Variants in GRID2 observed in about 807,000 individuals in gnomAD.
GRID2 encodes glutamate receptor ionotropic, delta-2.
A neutral mutation model predicts 114.8 loss-of-function variants in GRID2; 33 were observed. That is an observed-to-expected ratio of 0.29 (90% CI 0.22 to 0.38). GRID2 has a LOEUF of 0.38. Among genes scored for constraint, GRID2 ranks in the 10% least tolerant of loss-of-function variants. The pLI is 1.00. For missense variants in GRID2, 1,184 were observed against 1,257.7 expected, an observed-to-expected ratio of 0.94 and a Z score of 0.89; for synonymous variants, 505 against 449.9, an observed-to-expected ratio of 1.12 and a Z score of -1.55.
chr4:93,623,644 A>G (rs113770367), intron 13 of GRID2, among the ~76,000 whole-genome samples: 35 of 152,348 alleles, frequency 2.3e-4, no homozygotes, highest in African/African-American at 8.2e-4. Flanking sequence ...ACTATGGAAT[A>G]CTATGCAGTC....
In GRID2 at chr4:92,491,270, T is replaced by G. The variant is rs566244120; in HGVS notation, c.89-98861T>G. Among the ~76,000 whole-genome samples, 11 of 152,280 alleles carry G rather than the reference T, an allele frequency of 7.2e-5. No homozygotes were observed. In the South Asian group the frequency reaches 2.3e-3, roughly 32 times the overall value. On this transcript the variant is annotated intron_variant, in intron 1 of 15. Coordinates refer to ENST00000282020, the MANE Select transcript of GRID2 (RefSeq NM_001510.4). ...ACATGCATATATATGCATCTTGCAT[T>G]TGTGACATCTTGGTTAAGGGGTCTT...
At chr4:92,854,653 T>C (rs1744055123) in intron 2 of GRID2, among the ~76,000 whole-genome samples, 1 of 151,882 alleles carries the variant, frequency 6.6e-6, no homozygotes, top group Non-Finnish European at 1.5e-5. Context: ...AAAGTAAACT[T>C]TAAATATATG....
intron 8 of GRID2, among the ~76,000 whole-genome samples, chr4:93,336,833 A>T (rs910671855): frequency 3.9e-5 from 6 of 152,120 alleles, no homozygotes; most frequent in Admixed American, 2.0e-4. Flanking sequence ...TTTCATATCA[A>T]AGTCCAGTTT....
chr4:93,144,850 T>TA (rs1186774001), intron 4 of GRID2, among the ~76,000 whole-genome samples: 1 of 152,140 alleles, frequency 6.6e-6, no homozygotes, highest in Non-Finnish European at 1.5e-5. Flanking sequence ...GGAGTACCCA[T>TA]AAAAAGCAAC....
chr4:92,880,198 G>A (rs1745909842), intron 2 of GRID2, among the ~76,000 whole-genome samples: 1 of 152,082 alleles, frequency 6.6e-6, no homozygotes, highest in South Asian at 2.1e-4. Flanking sequence ...AGACAGGTAG[G>A]GATGAAAATG....
intron 1 of GRID2, among the ~76,000 whole-genome samples, chr4:92,352,512 T>C (rs1369190225): frequency 6.6e-6 from 1 of 151,926 alleles, no homozygotes; most frequent in Admixed American, 6.6e-5. Flanking sequence ...CAGAGGATTT[T>C]TAGTTTTATC....
chr4:92,940,677 C>G (rs1751046986), intron 2 of GRID2, among the ~76,000 whole-genome samples: 1 of 152,032 alleles, frequency 6.6e-6, no homozygotes, highest in African/African-American at 2.4e-5. Flanking sequence ...CAGGTTTTGC[C>G]CATTCAGTAT....
intron 4 of GRID2, among the ~76,000 whole-genome samples, chr4:93,163,356 G>GTA (rs57285537): frequency 0.019 from 1,059 of 55,782 alleles, 8 homozygotes; most frequent in Non-Finnish European, 0.023. Flanking sequence ...TTTTTTTTGT[G>GTA]TATATATATA....
chr4:93,714,730 T>G (rs1017507011), intron 14 of GRID2, among the ~76,000 whole-genome samples: 2 of 152,250 alleles, frequency 1.3e-5, no homozygotes, highest in Non-Finnish European at 2.9e-5. Flanking sequence ...GTATGTCTTC[T>G]TTTGAAAAGT....
intron 9 of GRID2, among the ~76,000 whole-genome samples, chr4:93,407,740 T>A: frequency 8.1e-6 from 1 of 123,202 alleles, no homozygotes; most frequent in African/African-American, 3.4e-5. Context: ...CTCCTCCTCC[T>A]CCTCCTCCTC....
intron 2 of GRID2, among the ~76,000 whole-genome samples, chr4:92,814,034 A>G (rs1740771195): frequency 6.6e-6 from 1 of 152,158 alleles, no homozygotes; most frequent in African/African-American, 2.4e-5. Flanking sequence ...TCTATCTGAA[A>G]AAAAATGTCC....
chr4:93,614,273 T>C (rs1482710289), intron 13 of GRID2, among the ~76,000 whole-genome samples: 1 of 152,242 alleles, frequency 6.6e-6, no homozygotes, highest in Non-Finnish European at 1.5e-5. Flanking sequence ...ACCCGTCTTC[T>C]GCGTCGCTCA....
intron 2 of GRID2, among the ~76,000 whole-genome samples, chr4:92,843,381 C>T (rs1271492880): frequency 6.6e-6 from 1 of 152,086 alleles, no homozygotes; most frequent in East Asian, 1.9e-4. Flanking sequence ...GAACTCCTTT[C>T]ACTTAGAAAA....
intron 1 of GRID2, among the ~76,000 whole-genome samples, chr4:92,469,838 C>CA (rs1453400169): frequency 6.6e-6 from 1 of 151,108 alleles, no homozygotes; most frequent in Non-Finnish European, 1.5e-5. Flanking sequence ...TAAAATAAAA[C>CA]AAAAAAGCTG....
At chr4:93,129,032 A>T (rs1237088259) in intron 4 of GRID2, among the ~76,000 whole-genome samples, 1 of 152,168 alleles carries the variant, frequency 6.6e-6, no homozygotes, top group Admixed American at 6.5e-5. Context: ...CAAACCTATC[A>T]ACCTAGCAGT....
At chr4:93,199,376 A>G (rs1447196793) in intron 4 of GRID2, among the ~76,000 whole-genome samples, 3 of 152,218 alleles carry the variant, frequency 2.0e-5, no homozygotes, top group Non-Finnish European at 2.9e-5. Flanking sequence ...TCTATGCCAC[A>G]TGATGAATGC....
Position 93,644,083 on chromosome 4 carries a change from C to T in GRID2, c.2360+17648C>T, listed in dbSNP as rs1371112888. ...TGGGAGTGACCCGATTTTCCAGGTGCGTCCGTCACCCCTTTCTTTGACTCG... is the reference window on the plus strand; with the variant it reads ...TGGGAGTGACCCGATTTTCCAGGTGTGTCCGTCACCCCTTTCTTTGACTCG... On this transcript the variant is annotated intron_variant, in intron 14 of 15. Transcript: ENST00000282020. 8.8e-5 allele frequency among the ~76,000 whole-genome samples: 7 copies of T among 79,128 alleles called. No homozygotes were observed. In the East Asian group the frequency reaches 1.4e-3, roughly 16 times the overall value. 51.9% of individuals were successfully genotyped at this position (79,128 alleles called of 152,430 possible). A position where few individuals can be genotyped will look rare whatever the true frequency, so the allele number is the denominator to read the frequency against.
chr4:92,453,153 AAAG>A (rs1205303080), intron 1 of GRID2, among the ~76,000 whole-genome samples: 2 of 152,108 alleles, frequency 1.3e-5, no homozygotes, highest in Non-Finnish European at 2.9e-5. Context: ...AATGCCTGTG[AAAG>A]AAGAAGGAGA....
chr4:92,432,358 G>A (rs1732504724), intron 1 of GRID2, among the ~76,000 whole-genome samples: 1 of 152,080 alleles, frequency 6.6e-6, no homozygotes, highest in South Asian at 2.1e-4. Flanking sequence ...GCCCAGGGTG[G>A]GTCCAGAAAT....
Sources: gnomAD v4.1 joint callset for allele counts (sites outside exome capture counted in the v4.1 genomes callset) on GRCh38, gnomAD v4.1.1 for gene constraint, MANE v1.5 for transcripts, NCBI Gene and HGNC (gene_info 2026-07-23, HGNC 2026-07-21) for gene names.